The following CTNNA3 variants were observed in gnomAD, a reference collection of about 807,000 sequenced individuals.
The protein encoded by CTNNA3 is catenin alpha-3.
Under a neutral mutation model 95.7 loss-of-function variants are expected in CTNNA3, and 76 were observed. The observed-to-expected ratio is 0.79, with a 90% confidence interval of 0.66 to 0.96. The LOEUF (loss-of-function observed/expected upper bound fraction) is 0.96. Ranked by LOEUF, CTNNA3 falls within the 40% of genes least tolerant of loss-of-function variation. CTNNA3 has a pLI of 0.00. For synonymous variants in CTNNA3, 431 were observed against 374.4 expected (o/e 1.15, Z -1.74); for missense variants, 1,191 against 1,089.8 (o/e 1.09, Z -1.31).
intron 7 of CTNNA3, chr10:66,928,153 G>C: frequency 6.2e-7 from 1 of 1,614,050 alleles, no homozygotes; most frequent in Non-Finnish European, 8.5e-7. Context: ...TGCTGACGCC[G>C]AGCACATCTC....
chr10:66,586,583 A>G (rs567126963), intron 10 of CTNNA3, among the ~76,000 whole-genome samples: 1 of 152,242 alleles, frequency 6.6e-6, no homozygotes, highest in African/African-American at 2.4e-5. Flanking sequence ...TGTATGGCAC[A>G]CTTCCTGTGG....
intron 9 of CTNNA3, among the ~76,000 whole-genome samples, chr10:66,722,428 A>G (rs1848659273): frequency 6.6e-6 from 1 of 151,954 alleles, no homozygotes. Flanking sequence ...TAAACAGAGA[A>G]TTGGTGCTAG....
At chr10:66,411,433 A>G (rs187605842) in intron 11 of CTNNA3, among the ~76,000 whole-genome samples, 3 of 152,020 alleles carry the variant, frequency 2.0e-5, no homozygotes, top group African/African-American at 7.2e-5. Context: ...TATCATTACT[A>G]TATTATATAA....
In CTNNA3 at chr10:67,313,415, G is replaced by A. The variant is rs145327495; in HGVS notation, c.580-93545C>T. ...CCACTGCACTCCAGCCTGGGCGACA[G>A]AGCGAGAATCCGTCTCAAAAAAAAA... is the stretch of plus-strand genomic sequence containing the variant. On this transcript the variant is annotated intron_variant, in intron 5 of 17. Coordinates refer to ENST00000433211, the MANE Select transcript of CTNNA3 (RefSeq NM_013266.4). 0.019 allele frequency among the ~76,000 whole-genome samples: 2,812 copies of A among 151,064 alleles called. 233 individuals carry two copies. The East Asian group carries it at 0.26, about 14-fold the overall frequency.
chr10:66,630,561 G>A (rs1160403789), intron 9 of CTNNA3, among the ~76,000 whole-genome samples: 1 of 152,168 alleles, frequency 6.6e-6, no homozygotes, highest in Non-Finnish European at 1.5e-5. Flanking sequence ...TGGCAAGTGT[G>A]GCAGATGGAA....
chr10:66,339,390 A>G (rs2092429939), intron 12 of CTNNA3, among the ~76,000 whole-genome samples: 1 of 151,904 alleles, frequency 6.6e-6, no homozygotes, highest in Non-Finnish European at 1.5e-5. Flanking sequence ...ATAAACATAA[A>G]AGTCTGATTG....
chr10:66,040,039 A>G (rs1323734197), intron 15 of CTNNA3, among the ~76,000 whole-genome samples: 1 of 152,174 alleles, frequency 6.6e-6, no homozygotes, highest in African/African-American at 2.4e-5. Flanking sequence ...AATAAAACAA[A>G]CAACCCCATA....
At chr10:67,444,600 A>C (rs1382772971) in intron 5 of CTNNA3, among the ~76,000 whole-genome samples, 2 of 152,136 alleles carry the variant, frequency 1.3e-5, no homozygotes, top group African/African-American at 4.8e-5. Context: ...AGATCGATGA[A>C]ATGAAAAGTT....
At chr10:66,293,791 G>A (rs1411180450) in intron 12 of CTNNA3, among the ~76,000 whole-genome samples, 1 of 151,012 alleles carries the variant, frequency 6.6e-6, no homozygotes, top group Non-Finnish European at 1.5e-5. Flanking sequence ...TCAGCCTCCC[G>A]AGTAGCTGGG....
chr10:66,624,118 T>G (rs1397255368), intron 9 of CTNNA3, among the ~76,000 whole-genome samples: 1 of 152,186 alleles, frequency 6.6e-6, no homozygotes, highest in Non-Finnish European at 1.5e-5. Flanking sequence ...CTCTGTAGAA[T>G]GTTTCTGCTC....
At chr10:65,990,756 AG>A (rs2078529336) in intron 15 of CTNNA3, among the ~76,000 whole-genome samples, 1 of 151,984 alleles carries the variant, frequency 6.6e-6, no homozygotes, top group East Asian at 1.9e-4. Context: ...GATGTGCAGA[AG>A]CTTTTTAGTT....
intron 12 of CTNNA3, among the ~76,000 whole-genome samples, chr10:66,340,825 AT>A (rs2092447086): frequency 6.6e-6 from 1 of 151,808 alleles, no homozygotes; most frequent in South Asian, 2.1e-4. Context: ...AGGTGAAGTA[AT>A]ATCCAAAGGT....
chr10:67,751,563 C>T (rs778060082), intron 1 of CTNNA3, among the ~76,000 whole-genome samples: 54 of 151,652 alleles, frequency 3.6e-4, no homozygotes, highest in Admixed American at 1.4e-3. Flanking sequence ...AAAAATAGAC[C>T]GCTAACTAGA....
At chr10:67,581,013 A>T (rs1842373504) in intron 3 of CTNNA3, among the ~76,000 whole-genome samples, 1 of 152,018 alleles carries the variant, frequency 6.6e-6, no homozygotes, top group South Asian at 2.1e-4. Flanking sequence ...AACAGAGACA[A>T]TTTGACTTCC....
At chr10:66,499,374 A>C (rs1840202554) in intron 11 of CTNNA3, among the ~76,000 whole-genome samples, 1 of 152,194 alleles carries the variant, frequency 6.6e-6, no homozygotes, top group Non-Finnish European at 1.5e-5. Flanking sequence ...ACTAGGCTTA[A>C]CAGTCAGGTA....
chr10:66,178,585 T>C (rs184050483), intron 13 of CTNNA3, among the ~76,000 whole-genome samples: 2 of 151,292 alleles, frequency 1.3e-5, no homozygotes, highest in Non-Finnish European at 1.5e-5. Flanking sequence ...CCAAATTAGA[T>C]TATATTACTC....
intron 9 of CTNNA3, among the ~76,000 whole-genome samples, chr10:66,685,206 C>CGT (rs67165990): frequency 0.62 from 72,539 of 116,306 alleles, 21,091 homozygotes; most frequent in African/African-American, 0.71. Context: ...TATATATATA[C>CGT]GTATATATAT....
chr10:67,260,286 A>C (rs1904606), intron 5 of CTNNA3, among the ~76,000 whole-genome samples: 6,991 of 152,292 alleles, frequency 0.046, 213 homozygotes, highest in South Asian at 0.091. Flanking sequence ...AAGAGGACCC[A>C]AAGTAGCCAC....
At chr10:67,172,821 A>G (rs1240778142) in intron 7 of CTNNA3, among the ~76,000 whole-genome samples, 1 of 152,100 alleles carries the variant, frequency 6.6e-6, no homozygotes, top group Non-Finnish European at 1.5e-5. Context: ...TAAAAAATAC[A>G]AAAATTAGCC....
Sources: allele counts gnomAD v4.1 joint callset (sites outside exome capture counted in the v4.1 genomes callset), GRCh38; gene constraint gnomAD v4.1.1; transcripts MANE v1.5; gene names NCBI Gene and HGNC (gene_info 2026-07-23, HGNC 2026-07-21).